Variants in RNF130 observed in about 807,000 individuals in gnomAD.
RNF130 encodes the protein ring finger protein 130.
Under a neutral mutation model 44.6 loss-of-function variants are expected in RNF130, and 21 were observed. That is an observed-to-expected ratio of 0.47 (90% CI 0.33 to 0.68). The LOEUF (loss-of-function observed/expected upper bound fraction) is 0.68, where lower values mean the gene tolerates loss of function less well. RNF130 is among the 30% of genes least tolerant of loss of function. The probability of loss-of-function intolerance (pLI) is 0.02; values close to 1 mark genes in which losing one functional copy is unlikely to be tolerated. For missense variants in RNF130, 479 were observed against 560.6 expected, an observed-to-expected ratio of 0.85 and a Z score of 1.47; for synonymous variants, 214 against 210.4, an observed-to-expected ratio of 1.02 and a Z score of -0.15.
chr5:180,037,626 C>T (rs769607863), intron 2 of RNF130, among the ~76,000 whole-genome samples: 1 of 152,190 alleles, frequency 6.6e-6, no homozygotes, highest in South Asian at 2.1e-4. Context: ...ATATTCCAGA[C>T]TTACTGAATC....
chr5:179,935,312 T>A (rs933240678), intron 7 of RNF130, among the ~76,000 whole-genome samples: 2 of 152,200 alleles, frequency 1.3e-5, no homozygotes, highest in African/African-American at 4.8e-5. Context: ...ATAATCTATG[T>A]GTACTTAAAA....
In RNF130 at chr5:180,053,224, G is replaced by C. The variant is rs1764730300; in HGVS notation, c.248-12577C>G. On this transcript the variant is annotated intron_variant, in intron 1 of 8. Transcript: ENST00000521389. ...ATTGCAACCACCTAGAGCTGCAGAAGAGATCTCACCCCTCCGCTTCCATTC... is the reference window on the plus strand; with the variant it reads ...ATTGCAACCACCTAGAGCTGCAGAACAGATCTCACCCCTCCGCTTCCATTC... 2.6e-5 allele frequency among the ~76,000 whole-genome samples: 4 copies of C among 152,064 alleles called. 1 individual carries two copies. The highest frequency in any genetic ancestry group is 2.6e-4 in the Admixed American group (4 of 15,262).
At chr5:179,920,180 C>A (rs1338608732) in exon 8 of RNF130, 7 of 575,898 alleles carry the variant, frequency 1.2e-5, no homozygotes, top group Admixed American at 5.5e-5. Flanking sequence ...GCAAATTAAC[C>A]CTGAACCCCA....
chr5:180,040,603 G>C lies in RNF130; in HGVS notation c.292C>G (p.Pro98Ala), dbSNP rs746366897. The change falls in exon 2 of 9, where the codon CCT becomes GCT. Residue 98 changes from proline (P) to alanine (A), a missense_variant. Physicochemically the swap from Pro to Ala is conservative, Grantham distance 27. This residue lies in a region of RNF130 where 180 missense variants were observed against 275.1 expected (regional missense o/e 0.65). Coordinates refer to ENST00000521389, the MANE Select transcript of RNF130 (RefSeq NM_018434.6). Reference protein sequence around the residue: ...GCDPQTRFFVPPNIKQWIALL... With the variant: ...GCDPQTRFFVAPNIKQWIALL... ...GCAATCCACTGTTTGATATTAGGAG[G>C]GACAAAGAACCGGGTTTGTGGATCA... 15 of 1,613,786 alleles carry C rather than the reference G, an allele frequency of 9.3e-6. No individual in the cohort carries two copies. Among genetic ancestry groups the C allele is most frequent in the Non-Finnish European group, 1.3e-5 (15 of 1,179,830 alleles).
intron 2 of RNF130, 120 bp downstream of exon 2, chr5:180,040,333 T>G: frequency 1.1e-6 from 1 of 920,958 alleles, no homozygotes; most frequent in Non-Finnish European, 1.6e-6. Context: ...AACAAACAAA[T>G]GGCAATACTA....
intron 5 of RNF130, among the ~76,000 whole-genome samples, chr5:179,972,440 GCTGA>G (rs753689515): frequency 2.9e-4 from 44 of 152,350 alleles, no homozygotes; most frequent in Admixed American, 7.2e-4. Flanking sequence ...ATGGGACTTG[GCTGA>G]CTGACAGGTA....
intron 2 of RNF130, among the ~76,000 whole-genome samples, chr5:180,035,879 T>C (rs1490423291): frequency 6.6e-6 from 1 of 152,244 alleles, no homozygotes; most frequent in Non-Finnish European, 1.5e-5. Context: ...TGTTCTTTAC[T>C]GAGAATCTCT....
intron 7 of RNF130, among the ~76,000 whole-genome samples, chr5:179,949,527 A>G (rs532572359): frequency 1.2e-4 from 18 of 152,280 alleles, no homozygotes; most frequent in Non-Finnish European, 2.4e-4. Flanking sequence ...AACAAAGACA[A>G]AACAACCTGT....
chr5:179,924,598 C>T (rs949097582), intron 7 of RNF130, among the ~76,000 whole-genome samples: 3 of 151,570 alleles, frequency 2.0e-5, no homozygotes, highest in Non-Finnish European at 4.4e-5. Context: ...AGGAGGAGTT[C>T]GAGACCAGCC....
intron 7 of RNF130, among the ~76,000 whole-genome samples, chr5:179,928,587 T>C (rs987716234): frequency 1.3e-5 from 2 of 152,106 alleles, no homozygotes; most frequent in African/African-American, 4.8e-5. Flanking sequence ...GAGTTAAGCA[T>C]TGCAGGTACC....
exon 8 of RNF130, chr5:179,919,039 T>G (rs1441899437): frequency 6.6e-6 from 1 of 152,230 alleles, no homozygotes; most frequent in Non-Finnish European, 1.5e-5. Context: ...AGACTGGGGT[T>G]CCTGTTCTCA....
chr5:180,010,754 G>A (rs1034898311), intron 3 of RNF130, among the ~76,000 whole-genome samples: 1 of 152,166 alleles, frequency 6.6e-6, no homozygotes, highest in Non-Finnish European at 1.5e-5. Context: ...GGAGGGAGGT[G>A]GCTGTGGTTA....
At chr5:179,936,559 A>T (rs1761894010) in intron 7 of RNF130, among the ~76,000 whole-genome samples, 1 of 152,108 alleles carries the variant, frequency 6.6e-6, no homozygotes. Context: ...TCCCCACTAG[A>T]TGTTTAGGTT....
chr5:180,003,578 G>A (rs1763395867), intron 3 of RNF130, among the ~76,000 whole-genome samples: 1 of 152,198 alleles, frequency 6.6e-6, no homozygotes. Flanking sequence ...TTTTTAATCA[G>A]TCCTTTAACA....
At chr5:179,927,586 CTTTTTTTT>C (rs5873673) in intron 7 of RNF130, among the ~76,000 whole-genome samples, 2 of 112,174 alleles carry the variant, frequency 1.8e-5, no homozygotes, top group African/African-American at 3.2e-5. Context: ...TTAGCTTTGT[CTTTTTTTT>C]TTTTTTTTTT....
At position 179,920,181 on chromosome 5, in the gene RNF130, C is replaced by T. The variant is rs1290788260; in HGVS notation, c.*136G>A. Reference sequence around the variant, plus strand: ...CTTGGGGGAACTTTGCAAATTAACCCTGAACCCCAACCTGTGCTTGGAAAG... The same window carrying T: ...CTTGGGGGAACTTTGCAAATTAACCTTGAACCCCAACCTGTGCTTGGAAAG... On this transcript the variant is annotated 3_prime_UTR_variant, in exon 8 of 8. Transcript: ENST00000522208. 6.9e-6 allele frequency: 4 copies of T among 577,700 alleles called. No homozygotes were observed. In the African/African-American group the frequency reaches 7.4e-5, roughly 11 times the overall value. The allele number at this position is 577,700 out of a possible 1,614,324, so 35.8% of individuals were successfully genotyped here.
At chr5:179,964,562 T>C (rs932161655) in intron 7 of RNF130, 3 of 152,232 alleles carry the variant, frequency 2.0e-5, no homozygotes, top group Non-Finnish European at 4.4e-5. Flanking sequence ...GACTGCCAAA[T>C]GTTTTATGCA....
chr5:180,007,926 G>A (rs1371245398), intron 3 of RNF130, among the ~76,000 whole-genome samples: 7 of 151,076 alleles, frequency 4.6e-5, no homozygotes, highest in Admixed American at 4.6e-4. Flanking sequence ...CTCCAGAGCA[G>A]CTCCTTCTCA....
Position 180,052,487 on chromosome 5 carries a change from G to A in RNF130, c.248-11840C>T, listed in dbSNP as rs529957763. Among the ~76,000 whole-genome samples, 8 of 152,326 alleles carry A rather than the reference G, an allele frequency of 5.3e-5. No homozygotes were observed. In the South Asian group the frequency reaches 1.5e-3, roughly 28 times the overall value. On this transcript the variant is annotated intron_variant, in intron 1 of 8. Transcript: ENST00000521389. ...CCTTGATCCAGAGCAGCGCCTGAAG[G>A]CACTACTAACTCTTGGGCAGAAAAG...
Sources: gnomAD v4.1 joint callset for allele counts (sites outside exome capture counted in the v4.1 genomes callset) on GRCh38, gnomAD v4.1.1 for gene constraint, gnomAD v4.1.1 regional missense constraint, MANE v1.5 for transcripts, NCBI Gene and HGNC (gene_info 2026-07-23, HGNC 2026-07-21) for gene names.